Variants in MPP3 observed in about 807,000 individuals in gnomAD.
MPP3 encodes the protein MAGUK p55 scaffold protein 3, also known as MAGUK p55 subfamily member 3.
A neutral mutation model predicts 80.7 loss-of-function variants in MPP3; 48 were observed. The ratio of observed to expected loss-of-function variants is 0.59; its 90% CI spans 0.47 to 0.76. The LOEUF (loss-of-function observed/expected upper bound fraction) is 0.76, where lower values mean the gene tolerates loss of function less well. Ranked by LOEUF, MPP3 falls within the 30% of genes least tolerant of loss-of-function variation. MPP3 has a pLI of 0.00. For missense variants in MPP3, 620 were observed against 763.0 expected, an observed-to-expected ratio of 0.81 and a Z score of 2.21; for synonymous variants, 311 against 297.6, an observed-to-expected ratio of 1.04 and a Z score of -0.46.
rs560321907 is a variant in MPP3 at position 43,823,430 on chromosome 17, CTG to C, written c.684+499_684+500del. ...CATTCTGTGACACCCTCTAGGGTGA[CTG>C]TAACTCTTTGTACAGAATCTTGGCA... On this transcript the variant is annotated intron_variant, in intron 10 of 19. Transcript: ENST00000398389. Among the ~76,000 whole-genome samples the C allele has an allele frequency of 1.8e-3, 269 of 152,320 alleles. 2 individuals are homozygous for C. Among genetic ancestry groups the C allele is most frequent in the South Asian group, 6.6e-3 (32 of 4,826 alleles).
intron 8 of MPP3, among the ~76,000 whole-genome samples, chr17:43,826,843 T>C (rs1238125139): frequency 1.4e-5 from 2 of 146,922 alleles, no homozygotes; most frequent in African/African-American, 5.2e-5. Flanking sequence ...TTTTTTTTTT[T>C]TCTTTTTTTT....
chr17:43,830,011 G>A lies in MPP3; in HGVS notation c.303+16C>T. 1.2e-6 allele frequency: 2 copies of A among 1,606,182 alleles called. No individual in the cohort carries two copies. Among genetic ancestry groups the A allele is most frequent in the Non-Finnish European group, 8.5e-7 (1 of 1,177,288 alleles). On this transcript the variant is annotated intron_variant, in intron 6 of 19. Transcript: ENST00000398389. ...AGACCCAGAGGCATGGCTGGGCAGG[G>A]GCTCTGTGTGACTACCCTCAGGTGC...
intron 10 of MPP3, among the ~76,000 whole-genome samples, chr17:43,821,607 G>A (rs1483305288): frequency 6.6e-6 from 1 of 152,226 alleles, no homozygotes; most frequent in East Asian, 1.9e-4. Flanking sequence ...TGCCTCGTCT[G>A]CCATAGACTC....
In MPP3 at chr17:43,801,520, G is replaced by A. The variant is rs182997360; in HGVS notation, c.*181C>T. 7.6e-5 allele frequency: 44 copies of A among 577,410 alleles called. No homozygotes were observed. The African/African-American group carries it at 7.8e-4, about 10-fold the overall frequency. The allele number at this position is 577,410 out of a possible 1,614,324, so 35.8% of individuals were successfully genotyped here. The stretch of plus-strand genomic sequence containing the variant: ...TCAAATCATGATCCAAAGAGGTGCA[G>A]TGAAAAACAACAGACAAAAACCAAC... On this transcript the variant is annotated 3_prime_UTR_variant, in exon 20 of 20. Transcript: ENST00000398389.
At chr17:43,810,235 TTCTAAAA>T (rs1403824996) in intron 18 of MPP3, among the ~76,000 whole-genome samples, 3 of 152,224 alleles carry the variant, frequency 2.0e-5, no homozygotes, top group Non-Finnish European at 4.4e-5. Flanking sequence ...TTGGAAGTTT[TTCTAAAA>T]GACAAGGTTA....
intron 12 of MPP3, among the ~76,000 whole-genome samples, chr17:43,817,022 GA>G (rs2045177923): frequency 6.6e-6 from 1 of 152,232 alleles, no homozygotes; most frequent in Non-Finnish European, 1.5e-5. Flanking sequence ...CTTACTCTAG[GA>G]TCCTGCGGTG....
intron 16 of MPP3, 78 bp downstream of exon 16, chr17:43,813,933 T>A: frequency 8.4e-7 from 1 of 1,186,258 alleles, no homozygotes; most frequent in Non-Finnish European, 1.2e-6. Flanking sequence ...AGGATTTGGA[T>A]GGATCTGGGG....
At chr17:43,829,889 CAG>C (rs1356765544) in intron 6 of MPP3, 98 bp from the exon 7 acceptor site, 20 of 1,580,730 alleles carry the variant, frequency 1.3e-5, no homozygotes, top group Admixed American at 1.7e-5. Context: ...GACGCCATGC[CAG>C]AGAGACAACT....
Position 43,801,646 on chromosome 17 carries a change from G to A in MPP3, c.*55C>T. The A allele has an allele frequency of 6.5e-7, 1 of 1,529,632 alleles. No homozygotes were observed. The highest frequency in any genetic ancestry group is 9.0e-7 in the Non-Finnish European group (1 of 1,107,526). The allele number at this position is 1,529,632 out of a possible 1,614,324, so 94.8% of individuals were successfully genotyped here. ...GATTCCTTGATGGTAAAATGAGGGAGTCTGGACTAGATGATCTTCAAGGTC... is the reference window on the plus strand; with the variant it reads ...GATTCCTTGATGGTAAAATGAGGGAATCTGGACTAGATGATCTTCAAGGTC... On this transcript the variant is annotated 3_prime_UTR_variant, in exon 20 of 20. Coordinates refer to ENST00000398389, the MANE Select transcript of MPP3 (RefSeq NM_001932.6).
In MPP3 at chr17:43,814,253, T is replaced by A. The variant is rs1260489248; in HGVS notation, c.1118A>T (p.Glu373Val). Residue 373 changes from glutamate to valine, a missense_variant, in exon 15 of 20, where the codon GAG (glutamate) becomes GTG (valine). By Grantham distance (121) the Glu-to-Val change is moderately radical. Transcript: ENST00000398389. ...AESPELLTYE[E>V]VARYQHQPGE... Reference sequence around the variant, plus strand: ...GGGCTGGTGTTGGTACCTGGCCACCTCTTCGTAAGTCAGCAGCTCCGGAGA... The same window carrying A: ...GGGCTGGTGTTGGTACCTGGCCACCACTTCGTAAGTCAGCAGCTCCGGAGA... 1.2e-6 allele frequency: 2 copies of A among 1,613,542 alleles called. No homozygotes were observed. The highest frequency in any genetic ancestry group is 8.5e-7 in the Non-Finnish European group (1 of 1,179,988).
At chr17:43,807,347 T>C (rs531425518) in intron 19 of MPP3, among the ~76,000 whole-genome samples, 1 of 151,802 alleles carries the variant, frequency 6.6e-6, no homozygotes, top group South Asian at 2.1e-4. Flanking sequence ...AGTCTCACTG[T>C]GTCATGCAGG....
In MPP3 at chr17:43,814,531, G is replaced by A. The variant is rs2045023570; in HGVS notation, c.1010-170C>T. On this transcript the variant is annotated intron_variant, in intron 14 of 19. Transcript: ENST00000398389. ...GGTTGTTCAGGAAATACAATAATAA[G>A]ATGAAAGGGTGACCCCTGCATTCAC... The A allele has an allele frequency of 5.1e-6, 3 of 591,276 alleles. No individual in the cohort carries two copies. The Admixed American group carries it at 1.0e-4, about 20-fold the overall frequency. The allele number at this position is 591,276 out of a possible 1,614,324, so 36.6% of individuals were successfully genotyped here.
chr17:43,827,005 A>AT (rs2045732763), intron 8 of MPP3, among the ~76,000 whole-genome samples: 1 of 132,354 alleles, frequency 7.6e-6, no homozygotes, highest in Non-Finnish European at 1.6e-5. Flanking sequence ...CATGGCCTAT[A>AT]TTTTCTTTTT....
At position 43,809,033 on chromosome 17, in the gene MPP3, A is replaced by G; in HGVS notation, c.1504T>C (p.Phe502Leu). ...RTSEFKPYII[F>L]VKPAIQEKRK... ...TTTTCCTGAATTGCAGGCTTTACAAATATAATATAGGGTTTAAATTCTGAG... is the reference window on the plus strand; with the variant it reads ...TTTTCCTGAATTGCAGGCTTTACAAGTATAATATAGGGTTTAAATTCTGAG... The change falls in exon 19 of 20, where the codon TTT becomes CTT. Residue 502 changes from phenylalanine (F) to leucine (L), a missense_variant. Transcript: ENST00000398389. 6.2e-7 allele frequency: 1 copy of G among 1,609,752 alleles called. No individual in the cohort carries two copies. Among genetic ancestry groups the G allele is most frequent in the Non-Finnish European group, 8.5e-7 (1 of 1,178,928 alleles).
At chr17:43,810,102 T>G (rs1050057147) in intron 18 of MPP3, among the ~76,000 whole-genome samples, 2 of 152,224 alleles carry the variant, frequency 1.3e-5, no homozygotes, top group Non-Finnish European at 2.9e-5. Flanking sequence ...TTTATAGGCA[T>G]AACGTGCTTT....
intron 8 of MPP3, among the ~76,000 whole-genome samples, chr17:43,826,415 G>A (rs546111813): frequency 2.0e-4 from 31 of 152,260 alleles, no homozygotes; most frequent in African/African-American, 7.0e-4. Flanking sequence ...CAGAATCTTC[G>A]GCCTAGCTCA....
At chr17:43,816,225 A>G in intron 13 of MPP3, 146 bp from the exon 14 acceptor site, 2 of 684,232 alleles carry the variant, frequency 2.9e-6, no homozygotes, top group Non-Finnish European at 4.8e-6. Context: ...TGTCCTGGAC[A>G]CCCCAAGAAA....
chr17:43,826,354 G>A (rs1222809440), intron 8 of MPP3, among the ~76,000 whole-genome samples: 1 of 152,192 alleles, frequency 6.6e-6, no homozygotes, highest in Non-Finnish European at 1.5e-5. Flanking sequence ...GCTACTCAAA[G>A]TGGGCACTGG....
At position 43,814,183 on chromosome 17, in the gene MPP3, A is replaced by C. The variant is rs1258260049; in HGVS notation, c.1174+14T>G. On this transcript the variant is annotated intron_variant, in intron 15 of 19. Coordinates refer to ENST00000398389, the MANE Select transcript of MPP3 (RefSeq NM_001932.6). Reference sequence around the variant, plus strand: ...AAACCAGATCACTTCCTGGAAACCCAGGATGGCACCTACCGATCAGAACCA... The same window carrying C: ...AAACCAGATCACTTCCTGGAAACCCCGGATGGCACCTACCGATCAGAACCA... 1.2e-6 allele frequency: 2 copies of C among 1,611,360 alleles called. No individual in the cohort carries two copies. The highest frequency in any genetic ancestry group is 1.7e-6 in the Non-Finnish European group (2 of 1,178,676).
Sources: allele counts gnomAD v4.1 joint callset (sites outside exome capture counted in the v4.1 genomes callset), GRCh38; gene constraint gnomAD v4.1.1; transcripts MANE v1.5; gene names NCBI Gene and HGNC (gene_info 2026-07-23, HGNC 2026-07-21).